Variants in POU6F1 observed in about 807,000 individuals in gnomAD.
POU6F1 encodes the protein POU domain, class 6, transcription factor 1.
A neutral mutation model predicts 28.9 loss-of-function variants in POU6F1; 9 were observed. That is an observed-to-expected ratio of 0.31 (90% confidence interval 0.19 to 0.54). POU6F1 has a LOEUF of 0.54. POU6F1 is among the 20% of genes least tolerant of loss of function. The pLI is 0.94. For missense variants in POU6F1, 338 were observed against 426.1 expected, an observed-to-expected ratio of 0.79 and a Z score of 1.82; for synonymous variants, 173 against 171.1, an observed-to-expected ratio of 1.01 and a Z score of -0.09.
chr12:51,198,989 G>A (rs975694408), intron 4 of POU6F1, among the ~76,000 whole-genome samples: 1 of 152,204 alleles, frequency 6.6e-6, no homozygotes, highest in African/African-American at 2.4e-5. Context: ...CTTCAGAGAA[G>A]TCGCCTAAAT....
chr12:51,195,939 C>CA, intron 8 of POU6F1, 31 bp downstream of exon 8: 2 of 396,634 alleles, frequency 5.0e-6, no homozygotes, highest in Non-Finnish European at 9.9e-6. Context: ...GCAGAGCCTG[C>CA]CCCACCCCCC....
chr12:51,215,647 C>G (rs952555535), intron 1 of POU6F1, among the ~76,000 whole-genome samples: 2 of 151,882 alleles, frequency 1.3e-5, no homozygotes, highest in Non-Finnish European at 2.9e-5. Context: ...CTAAAGCGCC[C>G]GTCTAATTTC....
intron 1 of POU6F1, among the ~76,000 whole-genome samples, chr12:51,210,913 C>G (rs1351170521): frequency 6.6e-6 from 1 of 152,218 alleles, no homozygotes; most frequent in Non-Finnish European, 1.5e-5. Flanking sequence ...GTCTCTCTGA[C>G]AAGTAGACAC....
intron 1 of POU6F1, 53 bp from the exon 2 acceptor site, chr12:51,206,936 T>G: frequency 2.5e-6 from 1 of 397,262 alleles, no homozygotes; most frequent in South Asian, 1.3e-4. Flanking sequence ...AGTAATACAA[T>G]TTCTATACCA....
intron 10 of POU6F1, among the ~76,000 whole-genome samples, 157 bp downstream of exon 10, chr12:51,191,439 G>C (rs1047445539): frequency 7.9e-5 from 12 of 152,216 alleles, no homozygotes; most frequent in African/African-American, 2.9e-4. Context: ...ACTGCCCCAG[G>C]TGTTCATATC....
At chr12:51,202,861 T>G (rs937927314) in intron 3 of POU6F1, among the ~76,000 whole-genome samples, 1 of 152,144 alleles carries the variant, frequency 6.6e-6, no homozygotes, top group Non-Finnish European at 1.5e-5. Flanking sequence ...AAAATATGCA[T>G]GTGTGACAAA....
At chr12:51,200,982 C>T (rs1440123184) in intron 3 of POU6F1, among the ~76,000 whole-genome samples, 2 of 152,180 alleles carry the variant, frequency 1.3e-5, no homozygotes, top group African/African-American at 2.4e-5. Flanking sequence ...CATGAGTCAC[C>T]GCGCCTGGCC....
At chr12:51,191,041 G>T (rs942574340) in intron 10 of POU6F1, among the ~76,000 whole-genome samples, 1 of 152,186 alleles carries the variant, frequency 6.6e-6, no homozygotes. Flanking sequence ...GCACTCTAAA[G>T]GTCACTCTAG....
intron 3 of POU6F1, among the ~76,000 whole-genome samples, chr12:51,203,477 T>A (rs1425731538): frequency 6.6e-6 from 1 of 152,154 alleles, no homozygotes; most frequent in Non-Finnish European, 1.5e-5. Context: ...AAAATGGTCA[T>A]GTCTCTTGTC....
chr12:51,209,002 G>A (rs1490999622), intron 1 of POU6F1, among the ~76,000 whole-genome samples: 1 of 152,196 alleles, frequency 6.6e-6, no homozygotes. Context: ...GTGAGGAAGT[G>A]GGTCCTCACC....
chr12:51,197,885 G>T lies in POU6F1; in HGVS notation c.731C>A (p.Pro244His). Reference protein sequence around the residue: ...FQTQPLLQTTPAILPQPTAAT... With the variant: ...FQTQPLLQTTHAILPQPTAAT... ...AGCAGTGGGCTGCGGGAGGATGGCA[G>T]GTGTGGTCTGCAGCAGCGGCTGGGT... Residue 244 changes from proline to histidine, a missense_variant, in exon 6 of 11, where the codon CCT becomes CAT. By Grantham distance (77) the Pro-to-His change is moderately conservative (BLOSUM62 -2). This residue lies in a region of POU6F1 where 206 missense variants were observed against 225.6 expected (regional missense o/e 0.91). Transcript: ENST00000333640. The T allele has an allele frequency of 2.5e-6, 1 of 406,548 alleles. No individual in the cohort carries two copies. The highest frequency in any genetic ancestry group is 4.3e-6 in the Non-Finnish European group (1 of 231,288). 25.2% of individuals were successfully genotyped at this position (406,548 alleles called of 1,614,324 possible).
intron 1 of POU6F1, among the ~76,000 whole-genome samples, chr12:51,214,212 T>C (rs112100446): frequency 2.4e-4 from 37 of 151,896 alleles, no homozygotes; most frequent in African/African-American, 8.0e-4. Context: ...GCAAGCCCTA[T>C]GGGATTGTTA....
At chr12:51,193,344 G>A (rs191960149) in intron 8 of POU6F1, among the ~76,000 whole-genome samples, 16 of 152,330 alleles carry the variant, frequency 1.1e-4, no homozygotes, top group Admixed American at 9.2e-4. Flanking sequence ...GGAAGCCAAA[G>A]GGGGCGGATC....
At chr12:51,193,600 A>G (rs929371395) in intron 8 of POU6F1, among the ~76,000 whole-genome samples, 1 of 152,196 alleles carries the variant, frequency 6.6e-6, no homozygotes, top group African/African-American at 2.4e-5. Context: ...ATAATTTAAA[A>G]AAAAAGAAAA....
At chr12:51,208,809 T>C (rs894758032) in intron 1 of POU6F1, among the ~76,000 whole-genome samples, 10 of 152,036 alleles carry the variant, frequency 6.6e-5, no homozygotes, top group Non-Finnish European at 1.5e-4. Flanking sequence ...TAGTGGTGCA[T>C]ACCTGTAGTC....
chr12:51,205,033 G>GTTTTTTTT (rs1565624178), intron 2 of POU6F1, among the ~76,000 whole-genome samples: 2 of 140,788 alleles, frequency 1.4e-5, no homozygotes, highest in African/African-American at 5.3e-5. Flanking sequence ...CTGGACTGCA[G>GTTTTTTTT]CTTTTTTTTT....
chr12:51,192,093 G>A (rs1168451689), intron 9 of POU6F1, among the ~76,000 whole-genome samples: 1 of 149,902 alleles, frequency 6.7e-6, no homozygotes, highest in East Asian at 2.0e-4. Context: ...AGCGGAGACA[G>A]CCCATGGCTC....
At chr12:51,207,100 T>A (rs766835856) in intron 1 of POU6F1, 4 of 271,648 alleles carry the variant, frequency 1.5e-5, no homozygotes, top group Non-Finnish European at 2.7e-5. Context: ...CTGTGCTCAC[T>A]GCAGCCTCTG....
Position 51,188,515 on chromosome 12 carries a change from C to G in POU6F1, c.*1732G>C, listed in dbSNP as rs761255848. 1 of 152,274 alleles carries G rather than the reference C, an allele frequency of 6.6e-6. No individual in the cohort carries two copies. Among genetic ancestry groups the G allele is most frequent in the East Asian group, 1.9e-4 (1 of 5,196 alleles). 9.4% of individuals were successfully genotyped at this position (152,274 alleles called of 1,614,324 possible). On this transcript the variant is annotated 3_prime_UTR_variant, in exon 11 of 11. Transcript: ENST00000333640. ...GTGTGTGTGTGTGCGCGCGTCTGTGCGCGCTGCACGTGCGTGTGCTAATTC... is the reference window on the plus strand; with the variant it reads ...GTGTGTGTGTGTGCGCGCGTCTGTGGGCGCTGCACGTGCGTGTGCTAATTC...
Sources: gnomAD v4.1 joint callset for allele counts (sites outside exome capture counted in the v4.1 genomes callset) on GRCh38, gnomAD v4.1.1 for gene constraint, gnomAD v4.1.1 regional missense constraint, MANE v1.5 for transcripts, NCBI Gene and HGNC (gene_info 2026-07-23, HGNC 2026-07-21) for gene names.